YARS1: variants seen among roughly 807,000 people sequenced by gnomAD.
The protein encoded by YARS1 is tyrosyl-tRNA synthetase 1.
YARS1 carries 36 observed loss-of-function variants against 62.2 expected under a neutral mutation model. The ratio of observed to expected loss-of-function variants is 0.58; its 90% confidence interval spans 0.44 to 0.76. The LOEUF is 0.76. YARS1 is among the 30% of genes least tolerant of loss of function. The pLI, the probability that YARS1 is intolerant of heterozygous loss-of-function variation, is 0.00. For missense variants in YARS1, 524 were observed against 639.8 expected, an observed-to-expected ratio of 0.82 and a Z score of 1.95; for synonymous variants, 234 against 244.9, an observed-to-expected ratio of 0.96 and a Z score of 0.42.
chr1:32,790,920 G>T, intron 6 of YARS1: 1 of 508,522 alleles, frequency 2.0e-6, no homozygotes, highest in Non-Finnish European at 3.6e-6. Flanking sequence ...TATGAACAAA[G>T]ACATTACTTT....
At chr1:32,786,087 C>G (rs949803084) in intron 8 of YARS1, among the ~76,000 whole-genome samples, 1 of 152,064 alleles carries the variant, frequency 6.6e-6, no homozygotes, top group African/African-American at 2.4e-5. Context: ...AGAGGTGAGA[C>G]AGAGTCCCTG....
chr1:32,782,221 T>C, intron 9 of YARS1, 183 bp downstream of exon 9: 1 of 923,106 alleles, frequency 1.1e-6, no homozygotes, highest in East Asian at 2.5e-5. Flanking sequence ...GATCACTTCC[T>C]GATGTTAACC....
chr1:32,807,832 C>T (rs1490182489), intron 3 of YARS1, among the ~76,000 whole-genome samples: 2 of 152,202 alleles, frequency 1.3e-5, no homozygotes, highest in Non-Finnish European at 2.9e-5. Flanking sequence ...TCTTGAAACA[C>T]TGCTTCTCTG....
chr1:32,780,052 A>G (rs1653000206), intron 11 of YARS1, 33 bp downstream of exon 11: 1 of 1,613,472 alleles, frequency 6.2e-7, no homozygotes, highest in South Asian at 1.1e-5. Flanking sequence ...TGGCCTCCCC[A>G]GGTCCTGTGC....
intron 5 of YARS1, among the ~76,000 whole-genome samples, chr1:32,794,760 C>A (rs1366650563): frequency 2.6e-5 from 4 of 151,374 alleles, no homozygotes; most frequent in Non-Finnish European, 2.9e-5. Flanking sequence ...GTAATCCCAG[C>A]ACTTTGGGAG....
intron 10 of YARS1, 36 bp from the exon 11 acceptor site, chr1:32,780,314 C>A (rs368899441): frequency 1.9e-6 from 3 of 1,612,322 alleles, no homozygotes; most frequent in Admixed American, 1.7e-5. Context: ...AGAGGATCAT[C>A]GTCCATTAGA....
chr1:32,799,476 G>A (rs1653706065), intron 4 of YARS1, among the ~76,000 whole-genome samples: 1 of 152,138 alleles, frequency 6.6e-6, no homozygotes, highest in Non-Finnish European at 1.5e-5. Context: ...GAGAAATATC[G>A]ATGGACAAAA....
chr1:32,786,810 T>TAA, intron 7 of YARS1, 130 bp downstream of exon 7: 1 of 1,236,920 alleles, frequency 8.1e-7, no homozygotes, highest in Non-Finnish European at 1.1e-6. Flanking sequence ...CTTTAATATA[T>TAA]AAGAAATCAG....
intron 9 of YARS1, chr1:32,781,443 G>A: frequency 2.5e-6 from 1 of 401,572 alleles, no homozygotes; most frequent in South Asian, 2.2e-5. Context: ...TCTTGGCCAG[G>A]TGTGGTAGCT....
rs139667784 is a variant in YARS1, at chr1:32,787,260, G to T, written c.685-185C>A. Among the ~76,000 whole-genome samples the T allele has an allele frequency of 1.7e-3, 257 of 152,142 alleles. 2 individuals carry two copies. Among genetic ancestry groups the T allele is most frequent in the African/African-American group, 6.0e-3 (248 of 41,508 alleles). On this transcript the variant is annotated intron_variant, in intron 6 of 12. Coordinates refer to ENST00000373477, the MANE Select transcript of YARS1 (RefSeq NM_003680.4). ...TTCTCCCATCTCAGCCTCCTGGAAAGCTGGGACTACAGGAATGTGTCACCA... is the reference window on the plus strand; with the variant it reads ...TTCTCCCATCTCAGCCTCCTGGAAATCTGGGACTACAGGAATGTGTCACCA...
intron 1 of YARS1, among the ~76,000 whole-genome samples, chr1:32,813,675 A>G (rs1180424188): frequency 2.0e-5 from 3 of 152,046 alleles, no homozygotes; most frequent in Non-Finnish European, 4.4e-5. Context: ...TTCATAGCCA[A>G]TTTCTTGTAA....
At chr1:32,782,887 T>G in intron 8 of YARS1, 1 of 310,460 alleles carries the variant, frequency 3.2e-6, no homozygotes, top group Non-Finnish European at 6.2e-6. Context: ...GGCCTAAAGA[T>G]AACCTGAGGG....
chr1:32,797,999 T>C, intron 4 of YARS1, 156 bp from the exon 5 acceptor site: 1 of 655,878 alleles, frequency 1.5e-6, no homozygotes, highest in Non-Finnish European at 2.7e-6. Context: ...GCCTCCCGAG[T>C]AGTTGGGATT....
intron 4 of YARS1, among the ~76,000 whole-genome samples, chr1:32,801,176 C>T (rs1638280494): frequency 6.6e-6 from 1 of 152,104 alleles, no homozygotes; most frequent in East Asian, 1.9e-4. Flanking sequence ...GAGAGACACA[C>T]AGGAAGGCCT....
In YARS1 at chr1:32,803,049, C is replaced by T. The variant is rs1467740210; in HGVS notation, c.510+3433G>A. Among the ~76,000 whole-genome samples, 33 of 140,978 alleles carry T rather than the reference C, an allele frequency of 2.3e-4. No homozygotes were observed. In the Admixed American group the frequency reaches 2.5e-3, roughly 10 times the overall value. 92.5% of individuals were successfully genotyped at this position (140,978 alleles called of 152,430 possible). ...CCGGGCTGGAGTGCAATGGTGCGAT[C>T]TCGGCTTACTGCAATCTCCACCTCC... On this transcript the variant is annotated intron_variant, in intron 4 of 12. Coordinates refer to ENST00000373477, the MANE Select transcript of YARS1 (RefSeq NM_003680.4).
At position 32,775,517 on chromosome 1, in the gene YARS1, C is replaced by CT. The variant is rs1405836726; in HGVS notation, c.*463dup. On this transcript the variant is annotated 3_prime_UTR_variant, in exon 13 of 13. Transcript: ENST00000373477. ...ACCACTTGGTAGACCACTAGGTTCT[C>CT]TGTTTTCCCTTCCCTTTCCTTTTCA... 1.7e-5 allele frequency: 3 copies of CT among 176,516 alleles called. No individual in the cohort carries two copies. The highest frequency in any genetic ancestry group is 3.7e-5 in the Non-Finnish European group (3 of 81,656). 10.9% of individuals were successfully genotyped at this position (176,516 alleles called of 1,614,324 possible).
In YARS1 at chr1:32,786,569, T is replaced by C. The variant is rs1653236587; in HGVS notation, c.821-122A>G. The C allele has an allele frequency of 2.9e-5, 28 of 973,946 alleles. No individual in the cohort carries two copies. In the South Asian group the frequency reaches 3.6e-4, roughly 12 times the overall value. The allele number at this position is 973,946 out of a possible 1,614,324, so 60.3% of individuals were successfully genotyped here. On this transcript the variant is annotated intron_variant, in intron 7 of 12. Transcript: ENST00000373477. ...TTTTGCCATATATTCTGAACTTTAT[T>C]GTATGGTATTATTCTTAAATTGGAT...
At chr1:32,777,224 T>C (rs1477770732) in intron 12 of YARS1, among the ~76,000 whole-genome samples, 1 of 151,880 alleles carries the variant, frequency 6.6e-6, no homozygotes, top group Non-Finnish European at 1.5e-5. Flanking sequence ...AGACGGGGTT[T>C]CTCTATGTTG....
chr1:32,812,029 AT>A (rs560641214), intron 1 of YARS1, among the ~76,000 whole-genome samples: 3 of 149,464 alleles, frequency 2.0e-5, no homozygotes, highest in South Asian at 4.2e-4. Context: ...ATATTTATTC[AT>A]TTTTTTTTTG....
Sources: gnomAD v4.1 joint callset for allele counts (sites outside exome capture counted in the v4.1 genomes callset) on GRCh38, gnomAD v4.1.1 for gene constraint, MANE v1.5 for transcripts, NCBI Gene and HGNC (gene_info 2026-07-23, HGNC 2026-07-21) for gene names.